ADAMTSL1: variants seen among roughly 807,000 people sequenced by gnomAD.
ADAMTSL1 encodes ADAMTS-like protein 1.
In ADAMTSL1, 126 loss-of-function variants were observed where a neutral mutation model predicts 201.8. The ratio of observed to expected loss-of-function variants is 0.62; its 90% CI spans 0.54 to 0.72. ADAMTSL1 has a LOEUF of 0.72. Ranked by LOEUF, ADAMTSL1 falls within the 30% of genes least tolerant of loss-of-function variation. The probability of loss-of-function intolerance (pLI) is 0.00; values close to 1 mark genes in which losing one functional copy is unlikely to be tolerated. For synonymous variants in ADAMTSL1, 1,121 were observed against 903.4 expected (o/e 1.24, Z -4.32); for missense variants, 2,679 against 2,277.8 (o/e 1.18, Z -3.59).
At chr9:18,685,846 T>G (rs7874290) in intron 13 of ADAMTSL1, among the ~76,000 whole-genome samples, 8,495 of 152,246 alleles carry the variant, frequency 0.056, 365 homozygotes, top group African/African-American at 0.12. Context: ...AAAGGTCACT[T>G]GTAAAGAAAC....
intron 2 of ADAMTSL1, among the ~76,000 whole-genome samples, chr9:18,411,292 A>C (rs1818433313): frequency 6.6e-6 from 1 of 151,654 alleles, no homozygotes. Context: ...CACATCCCAG[A>C]CTCAAACGAC....
intron 2 of ADAMTSL1, among the ~76,000 whole-genome samples, chr9:18,319,824 C>G (rs1033571135): frequency 6.6e-6 from 1 of 152,140 alleles, no homozygotes; most frequent in African/African-American, 2.4e-5. Context: ...TGTTACCTTA[C>G]ATGGCAAAGT....
intron 23 of ADAMTSL1, among the ~76,000 whole-genome samples, chr9:18,876,144 G>A (rs574789213): frequency 1.3e-5 from 2 of 152,126 alleles, no homozygotes; most frequent in African/African-American, 2.4e-5. Flanking sequence ...TATGTGTTAG[G>A]TGAGTCTCTT....
intron 13 of ADAMTSL1, among the ~76,000 whole-genome samples, chr9:18,688,448 TACA>T (rs1830978088): frequency 2.0e-5 from 3 of 150,558 alleles, no homozygotes; most frequent in African/African-American, 4.9e-5. Flanking sequence ...TCTAGGTATG[TACA>T]ACATGAGGAA....
intron 2 of ADAMTSL1, among the ~76,000 whole-genome samples, chr9:18,218,331 C>T (rs992816258): frequency 3.3e-5 from 5 of 152,134 alleles, no homozygotes; most frequent in Admixed American, 6.5e-5. Flanking sequence ...TGAGGCATTT[C>T]ATTTAATTTT....
intron 4 of ADAMTSL1, among the ~76,000 whole-genome samples, chr9:18,598,991 C>T (rs893448402): frequency 3.3e-5 from 5 of 152,078 alleles, no homozygotes; most frequent in African/African-American, 9.7e-5. Context: ...GTCCTCTCTG[C>T]CCCACAGGTT....
chr9:18,175,677 T>C (rs912356496), intron 2 of ADAMTSL1, among the ~76,000 whole-genome samples: 1 of 152,156 alleles, frequency 6.6e-6, no homozygotes, highest in African/African-American at 2.4e-5. Context: ...CTCTAGACTT[T>C]CCTTTCTTAA....
intron 1 of ADAMTSL1, among the ~76,000 whole-genome samples, chr9:18,057,850 C>T (rs143432572): frequency 2.0e-5 from 3 of 152,228 alleles, no homozygotes; most frequent in African/African-American, 7.2e-5. Flanking sequence ...CTATTTGAAG[C>T]TGACCATCTT....
intron 1 of ADAMTSL1, among the ~76,000 whole-genome samples, chr9:18,158,023 G>A (rs1464782100): frequency 6.6e-6 from 1 of 151,952 alleles, no homozygotes; most frequent in Non-Finnish European, 1.5e-5. Flanking sequence ...AATACTCACA[G>A]AGGTAAACAG....
intron 4 of ADAMTSL1, among the ~76,000 whole-genome samples, chr9:18,621,329 C>G (rs1264065851): frequency 6.6e-6 from 1 of 152,106 alleles, no homozygotes; most frequent in Non-Finnish European, 1.5e-5. Context: ...CTGATTTGGA[C>G]CGGGCATAAA....
In ADAMTSL1 at chr9:17,970,647, C is replaced by T. The variant is rs192858984; in HGVS notation, c.87+63725C>T. 1.6e-3 allele frequency among the ~76,000 whole-genome samples: 246 copies of T among 152,128 alleles called. 1 individual carries two copies. The highest frequency in any genetic ancestry group is 3.4e-3 in the Middle Eastern group (1 of 294). ...TCCTTCTTTATTCTACATGTTCCTC[C>T]TTACCCTTTAAGTCTGAGCTCATGC... On this transcript the variant is annotated intron_variant, in intron 1 of 29. Coordinates refer to the ADAMTSL1 transcript ENST00000680146.
chr9:18,315,546 G>T lies in ADAMTSL1; in HGVS notation c.207+151565G>T, dbSNP rs560662127. On this transcript the variant is annotated intron_variant, in intron 2 of 29. Transcript: ENST00000680146. ...AGCGTGGCATGGGTGGGCCGGCAGT[G>T]CTGGGGGACCTGGCACACCCTCCGC... Among the ~76,000 whole-genome samples, 148 of 152,282 alleles carry T rather than the reference G, an allele frequency of 9.7e-4. 1 individual carries two copies. The highest frequency in any genetic ancestry group is 3.0e-3 in the African/African-American group (124 of 41,560).
intron 2 of ADAMTSL1, among the ~76,000 whole-genome samples, chr9:18,296,458 A>G (rs1160081200): frequency 6.6e-6 from 1 of 152,142 alleles, no homozygotes; most frequent in Non-Finnish European, 1.5e-5. Flanking sequence ...TTAGAGGTTA[A>G]TTGTCATGAT....
intron 15 of ADAMTSL1, among the ~76,000 whole-genome samples, chr9:18,728,931 C>G (rs1818056535): frequency 6.6e-6 from 1 of 152,222 alleles, no homozygotes; most frequent in Admixed American, 6.5e-5. Context: ...AAAGATGAGT[C>G]TGGCTGCTCA....
intron 1 of ADAMTSL1, among the ~76,000 whole-genome samples, chr9:18,124,528 G>A (rs760835204): frequency 2.6e-5 from 4 of 151,992 alleles, no homozygotes; most frequent in African/African-American, 7.3e-5. Flanking sequence ...TTCATTCTGT[G>A]GGCTCTCTTT....
chr9:17,939,336 C>T (rs1210537508), intron 1 of ADAMTSL1, among the ~76,000 whole-genome samples: 4 of 151,426 alleles, frequency 2.6e-5, no homozygotes, highest in African/African-American at 9.7e-5. Context: ...ATCTAGTGTC[C>T]AGTTGGATTT....
chr9:17,925,375 A>C lies in ADAMTSL1; in HGVS notation c.87+18453A>C, dbSNP rs1262089383. Among the ~76,000 whole-genome samples the C allele has an allele frequency of 3.4e-5, 4 of 118,530 alleles. 2 individuals are homozygous for C. The highest frequency in any genetic ancestry group is 6.9e-4 in the East Asian group (2 of 2,884). 77.8% of individuals were successfully genotyped at this position (118,530 alleles called of 152,430 possible). On this transcript the variant is annotated intron_variant, in intron 1 of 29. Coordinates refer to the ADAMTSL1 transcript ENST00000680146. ...ACTGAGTATATACCCATATGACTAT[A>C]AATCATGCTGCTATAAAGACACATG...
chr9:18,692,936 G>A (rs1831320982), intron 13 of ADAMTSL1, among the ~76,000 whole-genome samples: 2 of 152,196 alleles, frequency 1.3e-5, no homozygotes, highest in African/African-American at 4.8e-5. Context: ...CAAAGAGAAA[G>A]AAAGATGGTC....
intron 9 of ADAMTSL1, among the ~76,000 whole-genome samples, chr9:18,668,426 A>C (rs1587846723): frequency 6.6e-6 from 1 of 152,200 alleles, no homozygotes; most frequent in South Asian, 2.1e-4. Flanking sequence ...ACAAAGCCAG[A>C]TCATTCCTAA....
Sources: gnomAD v4.1 joint callset for allele counts (sites outside exome capture counted in the v4.1 genomes callset) on GRCh38, gnomAD v4.1.1 for gene constraint, MANE v1.5 for transcripts, NCBI Gene and HGNC (gene_info 2026-07-23, HGNC 2026-07-21) for gene names.